The following CNGB3 variants were observed in gnomAD, a reference collection of about 807,000 sequenced individuals.
CNGB3 encodes cyclic nucleotide gated channel subunit beta 3.
A neutral mutation model predicts 92.8 loss-of-function variants in CNGB3; 86 were observed. The observed-to-expected ratio is 0.93, with a 90% CI of 0.78 to 1.11. The LOEUF (loss-of-function observed/expected upper bound fraction) is 1.11. Ranked by LOEUF, CNGB3 falls within the 50% of genes least tolerant of loss-of-function variation. The pLI, the probability that CNGB3 is intolerant of heterozygous loss-of-function variation, is 0.00. For synonymous variants in CNGB3, 333 were observed against 332.7 expected (o/e 1.00, Z -0.01); for missense variants, 1,026 against 956.8 (o/e 1.07, Z -0.95).
intron 3 of CNGB3, chr8:86,704,548 A>C (rs1824616925): frequency 6.6e-6 from 1 of 152,210 alleles, no homozygotes. Flanking sequence ...CTCTTAAGGC[A>C]ATGCTCTGAA....
intron 14 of CNGB3, among the ~76,000 whole-genome samples, chr8:86,606,770 G>C (rs536059260): frequency 6.6e-6 from 1 of 152,274 alleles, no homozygotes; most frequent in East Asian, 1.9e-4. Flanking sequence ...GGCAGTCGAG[G>C]TTTAAAAAAT....
chr8:86,576,109 C>T lies in CNGB3; in HGVS notation c.2125G>A (p.Gly709Arg). 6.2e-7 allele frequency: 1 copy of T among 1,602,570 alleles called. No homozygotes were observed. The highest frequency in any genetic ancestry group is 8.5e-7 in the Non-Finnish European group (1 of 1,177,694). Residue 709 changes from glycine to arginine, a missense_variant, in exon 18 of 18, where the codon GGA becomes AGA. Coordinates refer to ENST00000320005, the MANE Select transcript of CNGB3 (RefSeq NM_019098.5). ...AAQKKENSEGGEEEGKENEDK... is the reference protein window; with the variant it reads ...AAQKKENSEGREEEGKENEDK... ...TCATTTTCTTTTCCTTCTTCCTCTC[C>T]TCCTTCAGAATTTTCTTTCTTCTGG...
intron 6 of CNGB3, chr8:86,658,453 A>C: frequency 2.4e-6 from 1 of 408,500 alleles, no homozygotes; most frequent in Non-Finnish European, 4.6e-6. Context: ...GTCTCCTGCA[A>C]CCCTTGGCAG....
intron 15 of CNGB3, among the ~76,000 whole-genome samples, chr8:86,595,044 T>C (rs1365026374): frequency 6.6e-6 from 1 of 152,192 alleles, no homozygotes; most frequent in East Asian, 1.9e-4. Flanking sequence ...TCTTAACCTA[T>C]ACTTACAGAC....
intron 11 of CNGB3, among the ~76,000 whole-genome samples, chr8:86,632,278 T>A (rs1236742931): frequency 6.6e-6 from 1 of 152,040 alleles, no homozygotes; most frequent in Admixed American, 6.6e-5. Context: ...GTATTTAATT[T>A]CTTACTAGAC....
At chr8:86,726,700 T>C in intron 2 of CNGB3, 43 bp from the exon 3 acceptor site, 1 of 1,610,306 alleles carries the variant, frequency 6.2e-7, no homozygotes, top group East Asian at 2.2e-5. Flanking sequence ...TGTACAACAC[T>C]CTTGACCCAG....
At chr8:86,635,863 T>C (rs888312467) in intron 10 of CNGB3, among the ~76,000 whole-genome samples, 33 of 54,900 alleles carry the variant, frequency 6.0e-4, no homozygotes, top group Admixed American at 1.2e-3. Flanking sequence ...TATATATATA[T>C]ACACATACAC....
intron 3 of CNGB3, among the ~76,000 whole-genome samples, chr8:86,683,763 T>G (rs1186370270): frequency 2.0e-5 from 3 of 152,118 alleles, no homozygotes; most frequent in Admixed American, 2.0e-4. Flanking sequence ...CAACAAATGG[T>G]GCTGGAGCAA....
chr8:86,627,421 C>T lies in CNGB3; in HGVS notation c.1481-1341G>A, dbSNP rs570932761. On this transcript the variant is annotated intron_variant, in intron 12 of 17. Coordinates refer to ENST00000320005, the MANE Select transcript of CNGB3 (RefSeq NM_019098.5). ...GTCATTCAGGAAGAGATTCTAAACA[C>T]GAGGCTGGAGTTTTAAGAGGCTTAA... 2.3e-4 allele frequency among the ~76,000 whole-genome samples: 35 copies of T among 152,134 alleles called. No homozygotes were observed. In the South Asian group the frequency reaches 3.1e-3, roughly 14 times the overall value.
chr8:86,585,424 C>T (rs1355141863), intron 15 of CNGB3, among the ~76,000 whole-genome samples: 1 of 152,112 alleles, frequency 6.6e-6, no homozygotes, highest in African/African-American at 2.4e-5. Flanking sequence ...GTAGATTACA[C>T]ATTGCATACA....
chr8:86,644,541 T>A (rs1823256630), intron 9 of CNGB3, 81 bp downstream of exon 9: 1 of 1,547,966 alleles, frequency 6.5e-7, no homozygotes, highest in Non-Finnish European at 8.8e-7. Context: ...AAGAGGGGGG[T>A]CATATCCCTG....
At chr8:86,617,856 T>C (rs1005972002) in intron 13 of CNGB3, among the ~76,000 whole-genome samples, 10 of 152,162 alleles carry the variant, frequency 6.6e-5, no homozygotes, top group Non-Finnish European at 1.3e-4. Flanking sequence ...TGGGCAGTTA[T>C]GGGGATGGTT....
Position 86,671,089 on chromosome 8 carries a change from G to T in CNGB3, c.348C>A (p.Asn116Lys), listed in dbSNP as rs1477565773. The change falls in exon 4 of 18, where the codon AAC becomes AAA. Residue 116 changes from asparagine to lysine, a missense_variant. Physicochemically the swap from Asn to Lys is moderately conservative, Grantham distance 94. Coordinates refer to ENST00000320005, the MANE Select transcript of CNGB3 (RefSeq NM_019098.5). Reference sequence around the variant, plus strand: ...TTATAACAGGAGCTGCAGGCGGTTTGTTTTGTGGGCTAAATGAGAAAAAAA... The same window carrying T: ...TTATAACAGGAGCTGCAGGCGGTTTTTTTTGTGGGCTAAATGAGAAAAAAA... ...PGKEGPNSPQ[N>K]KPPAAPVINE... is the part of the protein sequence containing the mutation. The T allele has an allele frequency of 1.2e-6, 2 of 1,613,460 alleles. No homozygotes were observed. Among genetic ancestry groups the T allele is most frequent in the Non-Finnish European group, 8.5e-7 (1 of 1,179,958 alleles).
intron 3 of CNGB3, among the ~76,000 whole-genome samples, chr8:86,706,423 G>A (rs544522117): frequency 1.3e-5 from 2 of 152,310 alleles, no homozygotes; most frequent in African/African-American, 4.8e-5. Context: ...TTAAAAGCAT[G>A]TGAGTAAATG....
intron 3 of CNGB3, among the ~76,000 whole-genome samples, chr8:86,694,353 T>C (rs1315691683): frequency 7.0e-6 from 1 of 143,504 alleles, no homozygotes; most frequent in East Asian, 2.2e-4. Flanking sequence ...GGCGGGGGGC[T>C]GACCCCCCCA....
At chr8:86,661,539 G>T in intron 6 of CNGB3, 1 of 692,518 alleles carries the variant, frequency 1.4e-6, no homozygotes, top group African/African-American at 1.8e-5. Flanking sequence ...CCTTGACTTT[G>T]AGTCTTCCTA....
chr8:86,656,724 C>T (rs538086946), intron 6 of CNGB3, among the ~76,000 whole-genome samples: 143 of 152,016 alleles, frequency 9.4e-4, no homozygotes, highest in African/African-American at 3.2e-3. Flanking sequence ...TCTGCTCCCA[C>T]CCCCCCAACC....
chr8:86,592,987 G>A (rs943088871), intron 15 of CNGB3, among the ~76,000 whole-genome samples: 1 of 152,248 alleles, frequency 6.6e-6, no homozygotes, highest in East Asian at 1.9e-4. Flanking sequence ...ATGTTCTAAG[G>A]CCACCTCTGC....
intron 12 of CNGB3, among the ~76,000 whole-genome samples, chr8:86,628,572 T>C (rs73271575): frequency 0.039 from 6,001 of 152,190 alleles, 388 homozygotes; most frequent in African/African-American, 0.14. Flanking sequence ...TTCGCCCAAA[T>C]TTCTCAGTTA....
Sources: allele counts gnomAD v4.1 joint callset (sites outside exome capture counted in the v4.1 genomes callset), GRCh38; gene constraint gnomAD v4.1.1; transcripts MANE v1.5; gene names NCBI Gene and HGNC (gene_info 2026-07-23, HGNC 2026-07-21).